Variants in LIPC observed in about 807,000 individuals in gnomAD.
LIPC encodes lipase C, hepatic type.
A neutral mutation model predicts 50.7 loss-of-function variants in LIPC; 44 were observed. The ratio of observed to expected loss-of-function variants is 0.87; its 90% CI spans 0.68 to 1.11. LIPC has a LOEUF of 1.11. Ranked by LOEUF, LIPC falls within the 50% of genes most tolerant of loss-of-function variation. The pLI, the probability that LIPC is intolerant of heterozygous loss-of-function variation, is 0.00. For missense variants in LIPC, 697 were observed against 648.2 expected (o/e 1.08, Z -0.82); for synonymous variants, 271 against 256.4 (o/e 1.06, Z -0.54).
At chr15:58,518,179 T>C (rs1465481296) in intron 1 of LIPC, among the ~76,000 whole-genome samples, 2 of 152,204 alleles carry the variant, frequency 1.3e-5, no homozygotes, top group Non-Finnish European at 2.9e-5. Flanking sequence ...CTAATGCCAG[T>C]AGAACTCCCC....
chr15:58,538,427 C>T lies in LIPC; in HGVS notation c.183C>T (p.Gly61=). The change falls in exon 2 of 9, where the codon GGC becomes GGT. Residue 61 remains glycine, a synonymous_variant. Transcript: ENST00000299022. ...TGCTCTTTGGAGAAACCAATCAGGG[C>T]TGTCAGATTCGAATCAATCATCCGG... ...RFLLFGETNQ[G]CQIRINHPDT... 6.2e-7 allele frequency: 1 copy of T among 1,614,162 alleles called. No individual in the cohort carries two copies. Among genetic ancestry groups the T allele is most frequent in the Non-Finnish European group, 8.5e-7 (1 of 1,179,990 alleles).
intron 1 of LIPC, among the ~76,000 whole-genome samples, chr15:58,507,076 A>G (rs1246319414): frequency 6.6e-6 from 1 of 152,200 alleles, no homozygotes; most frequent in Non-Finnish European, 1.5e-5. Flanking sequence ...CCATGATTCA[A>G]TGATCTTCAC....
intron 1 of LIPC, among the ~76,000 whole-genome samples, chr15:58,478,499 G>A (rs951235197): frequency 6.6e-5 from 10 of 152,148 alleles, no homozygotes; most frequent in South Asian, 2.1e-4. Flanking sequence ...TTGGCCTCCC[G>A]AAAGTGCTAG....
At chr15:58,565,070 CAG>C in intron 8 of LIPC, 1 of 867,546 alleles carries the variant, frequency 1.2e-6, no homozygotes, top group South Asian at 1.6e-5. Flanking sequence ...CGGCCTGTGG[CAG>C]ATGTATGCCC....
intron 1 of LIPC, among the ~76,000 whole-genome samples, chr15:58,531,292 T>C (rs1406604285): frequency 6.6e-6 from 1 of 152,198 alleles, no homozygotes; most frequent in East Asian, 1.9e-4. Flanking sequence ...ATCTGTTCAG[T>C]TCTCTCACCC....
At chr15:58,498,250 A>G (rs747030620) in intron 1 of LIPC, among the ~76,000 whole-genome samples, 1 of 152,184 alleles carries the variant, frequency 6.6e-6, no homozygotes, top group East Asian at 1.9e-4. Context: ...GGGTTTGTTA[A>G]GTCACAGCCA....
At chr15:58,487,485 G>A (rs1891418425) in intron 1 of LIPC, among the ~76,000 whole-genome samples, 1 of 152,228 alleles carries the variant, frequency 6.6e-6, no homozygotes, top group Non-Finnish European at 1.5e-5. Context: ...CATTCCACCA[G>A]GTTGCTGAAG....
At chr15:58,476,075 C>T (rs372240500) in intron 1 of LIPC, among the ~76,000 whole-genome samples, 3 of 152,362 alleles carry the variant, frequency 2.0e-5, no homozygotes, top group African/African-American at 7.2e-5. Context: ...TTCATGACAA[C>T]CTTAGGAAGA....
intron 1 of LIPC, among the ~76,000 whole-genome samples, chr15:58,505,133 A>T (rs1430431723): frequency 2.0e-5 from 3 of 152,212 alleles, no homozygotes; most frequent in Non-Finnish European, 4.4e-5. Context: ...GCACTGGGAG[A>T]GGCCAACAGT....
chr15:58,523,623 A>G (rs542845589), intron 1 of LIPC, among the ~76,000 whole-genome samples: 1 of 151,352 alleles, frequency 6.6e-6, no homozygotes, highest in Admixed American at 6.6e-5. Context: ...TTTTTTATTT[A>G]AAATTATTTT....
chr15:58,498,090 T>A (rs547511287), intron 1 of LIPC, among the ~76,000 whole-genome samples: 4 of 152,190 alleles, frequency 2.6e-5, no homozygotes, highest in Non-Finnish European at 5.9e-5. Flanking sequence ...AGAGAATGGA[T>A]CCTGACCATG....
intron 1 of LIPC, among the ~76,000 whole-genome samples, chr15:58,531,587 G>T (rs1156736217): frequency 7.7e-6 from 1 of 130,250 alleles, no homozygotes; most frequent in African/African-American, 2.7e-5. Flanking sequence ...AGAAGAAGTT[G>T]TGGCCTCAGG....
At chr15:58,541,483 C>A (rs1286005030) in intron 2 of LIPC, among the ~76,000 whole-genome samples, 1 of 121,166 alleles carries the variant, frequency 8.3e-6, no homozygotes, top group South Asian at 2.6e-4. Context: ...TAATTGTTCT[C>A]GGGAGGGGGC....
chr15:58,519,819 A>G (rs1424267458), intron 1 of LIPC, among the ~76,000 whole-genome samples: 1 of 152,204 alleles, frequency 6.6e-6, no homozygotes, highest in Non-Finnish European at 1.5e-5. Flanking sequence ...AAGGTGGAGC[A>G]TAAGAAGAAC....
intron 6 of LIPC, among the ~76,000 whole-genome samples, chr15:58,551,403 A>T (rs1198711052): frequency 2.0e-5 from 3 of 152,296 alleles, no homozygotes; most frequent in African/African-American, 4.8e-5. Flanking sequence ...TGGCTATTTA[A>T]ATCCAAATCT....
chr15:58,532,930 G>A (rs767866588), intron 1 of LIPC, among the ~76,000 whole-genome samples: 1 of 152,198 alleles, frequency 6.6e-6, no homozygotes, highest in Non-Finnish European at 1.5e-5. Flanking sequence ...TGTAATGGCT[G>A]GACCCAGCTT....
At chr15:58,445,858 G>T (rs1290853473) in intron 1 of LIPC, among the ~76,000 whole-genome samples, 1 of 152,170 alleles carries the variant, frequency 6.6e-6, no homozygotes, top group Non-Finnish European at 1.5e-5. Flanking sequence ...TCCATTGCTG[G>T]TCACAAAACT....
At chr15:58,494,736 A>G (rs1191447174) in intron 1 of LIPC, 1 of 455,708 alleles carries the variant, frequency 2.2e-6, no homozygotes, top group African/African-American at 2.0e-5. Context: ...GATCTCTTTA[A>G]TGACCTGTTA....
At chr15:58,458,118 C>T (rs1894202705) in intron 1 of LIPC, among the ~76,000 whole-genome samples, 1 of 151,846 alleles carries the variant, frequency 6.6e-6, no homozygotes, top group African/African-American at 2.4e-5. Flanking sequence ...AAAATAAATA[C>T]ATAAGCACCT....
Sources: allele counts gnomAD v4.1 joint callset (sites outside exome capture counted in the v4.1 genomes callset), GRCh38; gene constraint gnomAD v4.1.1; transcripts MANE v1.5; gene names NCBI Gene and HGNC (gene_info 2026-07-23, HGNC 2026-07-21).